MED14: variants seen among roughly 807,000 people sequenced by gnomAD.
The protein encoded by MED14 is mediator of RNA polymerase II transcription subunit 14.
In MED14, 8 loss-of-function variants were observed where a neutral mutation model predicts 109.0. That is an observed-to-expected ratio of 0.07 (90% CI 0.04 to 0.13). MED14 has a LOEUF of 0.13. Among genes scored for constraint, MED14 ranks in the 10% least tolerant of loss-of-function variants. The probability of loss-of-function intolerance (pLI) is 1.00; values close to 1 mark genes in which losing one functional copy is unlikely to be tolerated. For synonymous variants in MED14, 399 were observed against 408.7 expected (o/e 0.98, Z 0.29); for missense variants, 711 against 1,142.4 (o/e 0.62, Z 5.44).
At position 40,731,210 on chromosome X, in the gene MED14, G is replaced by GA. The variant is rs758817305; in HGVS notation, c.216-1866dup. 3.7e-5 allele frequency among the ~76,000 whole-genome samples: 4 copies of GA among 109,136 alleles called. No individual in the cohort carries two copies. The South Asian group carries it at 1.6e-3, about 44-fold the overall frequency. The allele number at this position is 109,136 out of a possible 115,157, so 94.8% of individuals were successfully genotyped here. A position where few individuals can be genotyped will look rare whatever the true frequency, so the allele number is the denominator to read the frequency against. ...AGGCAGAGAGTAAACTCTAGGATGA[G>GA]AGCATGTATGTTGAGGGGGAAGGGA... On this transcript the variant is annotated intron_variant, in intron 1 of 30. Transcript: ENST00000324817.
At chrX:40,702,527 T>C (rs903036614) in intron 11 of MED14, among the ~76,000 whole-genome samples, 2 of 109,987 alleles carry the variant, frequency 1.8e-5, no homozygotes, top group Non-Finnish European at 3.8e-5. Context: ...TTTGTGTTTT[T>C]AGTAGAGACA....
chrX:40,678,133 T>C, intron 21 of MED14, among the ~76,000 whole-genome samples: 1 of 110,791 alleles, frequency 9.0e-6, no homozygotes, highest in Non-Finnish European at 1.9e-5. Flanking sequence ...GCATGCAATG[T>C]GCAACATAAA....
At chrX:40,666,128 G>A (rs1929470796) in intron 24 of MED14, among the ~76,000 whole-genome samples, 1 of 111,983 alleles carries the variant, frequency 8.9e-6, no homozygotes, top group Non-Finnish European at 1.9e-5. Flanking sequence ...AAAGTATGCT[G>A]TTGTGTGTGT....
chrX:40,723,667 GAAAAAAAAAAAAA>G (rs56676419), intron 3 of MED14, among the ~76,000 whole-genome samples: 2 of 17,997 alleles, frequency 1.1e-4, no homozygotes, highest in African/African-American at 2.6e-4. Flanking sequence ...CTCCGTCTCA[GAAAAAAAAAAAAA>G]AAAAAAAAAA....
chrX:40,688,236 GCAAA>G (rs755002070), intron 16 of MED14, among the ~76,000 whole-genome samples: 12 of 111,336 alleles, frequency 1.1e-4, no homozygotes, highest in Middle Eastern at 4.7e-3. Context: ...CTCAAAACAA[GCAAA>G]CAAACAAACA....
intron 26 of MED14, among the ~76,000 whole-genome samples, chrX:40,661,207 A>C (rs1315030138): frequency 8.9e-6 from 1 of 112,588 alleles, no homozygotes; most frequent in Non-Finnish European, 1.9e-5. Flanking sequence ...TCAGCCACCT[A>C]AGTAGCTGGG....
Position 40,654,369 on chromosome X carries a change from C to T in MED14, c.4286G>A (p.Arg1429Gln). 1 of 1,210,591 alleles carries T rather than the reference C, an allele frequency of 8.3e-7. No individual in the cohort carries two copies. Among genetic ancestry groups the T allele is most frequent in the East Asian group, 3.0e-5 (1 of 33,836 alleles). Residue 1429 changes from arginine (R) to glutamine (Q), a missense_variant, in exon 30 of 31, where the codon CGA becomes CAA. Around this residue, in one of 8 missense-constraint regions of MED14, gnomAD observed 41 missense variants for 66.9 expected, o/e 0.61. Transcript: ENST00000324817. ...ATTGTCTACTGGTCATGTACCTTGT[C>T]GTGGTGGATTCATCTCTGCAAACCT... is the stretch of plus-strand genomic sequence containing the variant. ...LKRFAEMNPP[R>Q]QGECTIFAAV...
chrX:40,713,964 A>C (rs1347048579), intron 4 of MED14, 57 bp from the exon 5 acceptor site: 3 of 1,105,656 alleles, frequency 2.7e-6, no homozygotes, highest in African/African-American at 3.7e-5. Flanking sequence ...TTTTTTTTTC[A>C]ATCTTTTCCT....
intron 2 of MED14, among the ~76,000 whole-genome samples, chrX:40,728,818 ACTTT>A (rs1931981272): frequency 9.4e-6 from 1 of 105,915 alleles, no homozygotes; most frequent in South Asian, 3.9e-4. Context: ...TTAGCAGCCA[ACTTT>A]CTTTTTTTTT....
intron 8 of MED14, among the ~76,000 whole-genome samples, chrX:40,710,576 G>T (rs1401175024): frequency 8.9e-6 from 1 of 111,787 alleles, no homozygotes; most frequent in Non-Finnish European, 1.9e-5. Context: ...AATTCAAAGT[G>T]GAAAACTGTG....
chrX:40,708,118 C>T (rs1326691132), intron 10 of MED14, among the ~76,000 whole-genome samples: 1 of 109,584 alleles, frequency 9.1e-6, no homozygotes, highest in African/African-American at 3.3e-5. Flanking sequence ...AATGTTAAAC[C>T]CTGATAGGGC....
intron 3 of MED14, among the ~76,000 whole-genome samples, chrX:40,723,945 T>A (rs1194182971): frequency 9.0e-6 from 1 of 111,216 alleles, no homozygotes; most frequent in Non-Finnish European, 1.9e-5. Flanking sequence ...CCGTTGCCTA[T>A]AAGAAACATA....
intron 14 of MED14, 150 bp downstream of exon 14, chrX:40,692,558 A>G: frequency 1.7e-6 from 1 of 579,482 alleles, no homozygotes. Flanking sequence ...AAGCATTTTC[A>G]AGAAAATGTA....
chrX:40,732,308 T>G (rs1027829781), intron 1 of MED14, among the ~76,000 whole-genome samples: 14 of 112,189 alleles, frequency 1.2e-4, no homozygotes, highest in Non-Finnish European at 1.3e-4. Context: ...CACCTGAAGT[T>G]GGGAGTTTGA....
At chrX:40,699,064 T>C (rs778624224) in intron 12 of MED14, among the ~76,000 whole-genome samples, 1 of 112,250 alleles carries the variant, frequency 8.9e-6, no homozygotes, top group Non-Finnish European at 1.9e-5. Flanking sequence ...ATCCATACAG[T>C]GAAATATTAT....
intron 10 of MED14, among the ~76,000 whole-genome samples, chrX:40,705,316 A>G (rs1931097067): frequency 8.9e-6 from 1 of 112,297 alleles, no homozygotes; most frequent in South Asian, 3.6e-4. Flanking sequence ...GTGGCAACAG[A>G]GTAAAACTAG....
intron 25 of MED14, among the ~76,000 whole-genome samples, chrX:40,663,622 G>A (rs1929368270): frequency 8.9e-6 from 1 of 112,348 alleles, no homozygotes; most frequent in Non-Finnish European, 1.9e-5. Flanking sequence ...CCCAGCAGCT[G>A]ACTACAGACA....
At chrX:40,719,408 C>T (rs1456801168) in intron 3 of MED14, among the ~76,000 whole-genome samples, 24 of 111,679 alleles carry the variant, frequency 2.1e-4, no homozygotes, top group Non-Finnish European at 3.0e-4. Flanking sequence ...ACCCAAATGC[C>T]TATTAACTGA....
chrX:40,660,918 CTTTT>C (rs1455634000), intron 26 of MED14, among the ~76,000 whole-genome samples: 2 of 112,651 alleles, frequency 1.8e-5, no homozygotes, highest in South Asian at 7.2e-4. Context: ...ATTTTTAATT[CTTTT>C]TTTATTTTTT....
Sources: allele counts gnomAD v4.1 joint callset (sites outside exome capture counted in the v4.1 genomes callset), GRCh38; gene constraint gnomAD v4.1.1; regional missense constraint gnomAD v4.1.1; transcripts MANE v1.5; gene names NCBI Gene and HGNC (gene_info 2026-07-23, HGNC 2026-07-21).